PCDHA2: variants seen among roughly 807,000 people sequenced by gnomAD.
The protein encoded by PCDHA2 is protocadherin alpha 2.
PCDHA2 carries 58 observed loss-of-function variants against 66.0 expected under a neutral mutation model. The ratio of observed to expected loss-of-function variants is 0.88; its 90% CI spans 0.71 to 1.09. PCDHA2 has a LOEUF of 1.09. Ranked by LOEUF, PCDHA2 falls within the 50% of genes least tolerant of loss-of-function variation. The pLI, the probability that PCDHA2 is intolerant of heterozygous loss-of-function variation, is 0.00. For synonymous variants in PCDHA2, 634 were observed against 554.0 expected (o/e 1.14, Z -2.03); for missense variants, 1,267 against 1,242.3 (o/e 1.02, Z -0.30).
rs781785142 is a variant in PCDHA2, at chr5:140,871,450, G to A, written c.2388+74098G>A. 4 of 1,608,718 alleles carry A rather than the reference G, an allele frequency of 2.5e-6. No individual in the cohort carries two copies. The highest frequency in any genetic ancestry group is 2.2e-5 in the South Asian group (2 of 90,488). ...TCTTCCTCTAGGTCTGAATAAAGAG[G>A]AGGAAGGGGAAAGACAGGAGCCAGG... On this transcript the variant is annotated intron_variant, in intron 1 of 3. Coordinates refer to ENST00000526136, the MANE Select transcript of PCDHA2 (RefSeq NM_018905.3).
chr5:140,870,902 C>G (rs2052520790), intron 1 of PCDHA2: 1 of 1,613,846 alleles, frequency 6.2e-7, no homozygotes. Flanking sequence ...GATGCGGACT[C>G]AGGCTACAAC....
chr5:140,892,158 T>A (rs1442080527), intron 1 of PCDHA2, among the ~76,000 whole-genome samples: 2 of 152,242 alleles, frequency 1.3e-5, no homozygotes, highest in Non-Finnish European at 2.9e-5. Context: ...ATTTCTGATA[T>A]GTCCAGTAAC....
In PCDHA2 at chr5:140,855,633, A is replaced by G. The variant is rs2043544595; in HGVS notation, c.2388+58281A>G. On this transcript the variant is annotated intron_variant, in intron 1 of 3. Transcript: ENST00000526136. ...ATTAAGGGCATTTTGAAATTCGGCT[A>G]TTGATAATCATGTGGTTAGGGAAGA... 1.3e-5 allele frequency among the ~76,000 whole-genome samples: 2 copies of G among 149,874 alleles called. 1 individual carries two copies. Among genetic ancestry groups the G allele is most frequent in the African/African-American group, 4.9e-5 (2 of 40,848 alleles).
chr5:140,962,068 G>C (rs2095654419), intron 1 of PCDHA2, among the ~76,000 whole-genome samples: 1 of 151,882 alleles, frequency 6.6e-6, no homozygotes, highest in African/African-American at 2.4e-5. Context: ...GTATTTTTTA[G>C]TAGAGACGGG....
In PCDHA2 at chr5:140,884,521, G is replaced by A. The variant is rs569278761; in HGVS notation, c.2388+87169G>A. On this transcript the variant is annotated intron_variant, in intron 1 of 3. Transcript: ENST00000526136. ...GCGCGGCAGGGAGTTGGTCGTACTCGCAGCAGAGGCGGCCGAGGGTGTGCT... is the reference window on the plus strand; with the variant it reads ...GCGCGGCAGGGAGTTGGTCGTACTCACAGCAGAGGCGGCCGAGGGTGTGCT... 8.1e-6 allele frequency: 13 copies of A among 1,614,196 alleles called. No homozygotes were observed. In the East Asian group the frequency reaches 2.0e-4, roughly 25 times the overall value.
intron 1 of PCDHA2, chr5:140,797,590 A>G (rs2149929082): frequency 1.7e-6 from 1 of 574,776 alleles, no homozygotes; most frequent in Non-Finnish European, 3.0e-6. Flanking sequence ...AGTCATAAGT[A>G]ATAGACCATG....
At chr5:140,801,872 G>A (rs1346891167) in intron 1 of PCDHA2, 5 of 1,613,932 alleles carry the variant, frequency 3.1e-6, no homozygotes, top group Admixed American at 3.3e-5. Flanking sequence ...TCACTGGCAC[G>A]ACTCAACTAA....
At chr5:140,834,569 C>A in intron 1 of PCDHA2, 1 of 1,614,088 alleles carries the variant, frequency 6.2e-7, no homozygotes, top group South Asian at 1.1e-5. Flanking sequence ...TGGTGCCGCG[C>A]CTGTTCCGGG....
chr5:140,842,047 C>T (rs2150327967), intron 1 of PCDHA2: 2 of 1,613,806 alleles, frequency 1.2e-6, no homozygotes, highest in Non-Finnish European at 8.5e-7. Context: ...CTCCCACTTT[C>T]GAACAGTCTG....
intron 1 of PCDHA2, chr5:140,859,371 T>A: frequency 3.8e-6 from 1 of 264,536 alleles, no homozygotes; most frequent in Non-Finnish European, 6.9e-6. Flanking sequence ...TTGTATAGTT[T>A]AATAGCTTCT....
intron 1 of PCDHA2, chr5:140,884,314 G>T: frequency 6.2e-7 from 1 of 1,613,760 alleles, no homozygotes. Context: ...CGTCGAGGGC[G>T]TCGGCAGGCG....
At position 140,795,550 on chromosome 5, in the gene PCDHA2, C is replaced by T; in HGVS notation, c.586C>T (p.Leu196=). The change falls in exon 1 of 4, where the codon CTG becomes TTG. Residue 196 remains leucine (L), a synonymous_variant. Transcript: ENST00000526136. ...DELSESLSLV[L]GKSLDREETA... is the part of the protein sequence containing the mutation. ...ACTAAGCGAATCTTTGTCTCTCGTG[C>T]TGGGGAAATCGCTGGACAGAGAGGA... 6.2e-7 allele frequency: 1 copy of T among 1,614,120 alleles called. No individual in the cohort carries two copies. Among genetic ancestry groups the T allele is most frequent in the Non-Finnish European group, 8.5e-7 (1 of 1,180,006 alleles).
intron 3 of PCDHA2, among the ~76,000 whole-genome samples, chr5:140,992,665 T>A (rs1219714191): frequency 2.6e-5 from 4 of 152,096 alleles, no homozygotes; most frequent in Non-Finnish European, 5.9e-5. Context: ...CTGATTGGTG[T>A]GTATGTGTGT....
At chr5:140,856,946 G>A (rs372611675) in intron 1 of PCDHA2, 3 of 1,593,218 alleles carry the variant, frequency 1.9e-6, no homozygotes, top group East Asian at 2.2e-5. Context: ...AAGGACGGGA[G>A]AAATAAAAGT....
At chr5:140,964,862 A>G (rs560839818) in intron 1 of PCDHA2, among the ~76,000 whole-genome samples, 1 of 152,316 alleles carries the variant, frequency 6.6e-6, no homozygotes, top group South Asian at 2.1e-4. Context: ...GGAAACAAAG[A>G]GGACAAATAA....
chr5:140,876,867 G>A, intron 1 of PCDHA2: 1 of 1,614,152 alleles, frequency 6.2e-7, no homozygotes, highest in Non-Finnish European at 8.5e-7. Context: ...TGTTCGTGAA[G>A]GAGAACAACC....
At chr5:140,863,176 A>G (rs199525571) in intron 1 of PCDHA2, 25 of 723,868 alleles carry the variant, frequency 3.5e-5, no homozygotes, top group South Asian at 2.0e-4. Flanking sequence ...GCTGACTGCC[A>G]CCGTCACCGT....
chr5:140,969,058 T>C, intron 1 of PCDHA2: 1 of 1,614,166 alleles, frequency 6.2e-7, no homozygotes. Flanking sequence ...ACAACAATAT[T>C]GATGCCAGGA....
At chr5:140,873,007 C>A (rs1363151505) in intron 1 of PCDHA2, among the ~76,000 whole-genome samples, 1 of 152,206 alleles carries the variant, frequency 6.6e-6, no homozygotes, top group Admixed American at 6.5e-5. Context: ...AGTCATTCTT[C>A]ATATTTAGTT....
Sources: gnomAD v4.1 joint callset for allele counts (sites outside exome capture counted in the v4.1 genomes callset) on GRCh38, gnomAD v4.1.1 for gene constraint, MANE v1.5 for transcripts, NCBI Gene and HGNC (gene_info 2026-07-23, HGNC 2026-07-21) for gene names.